The following GDE1 variants were observed in gnomAD, a reference collection of about 807,000 sequenced individuals.
GDE1 encodes RGS16-interacting membrane protein.
Under a neutral mutation model 32.2 loss-of-function variants are expected in GDE1, and 24 were observed. The observed-to-expected ratio is 0.75, with a 90% CI of 0.54 to 1.05. The LOEUF (loss-of-function observed/expected upper bound fraction) is 1.05. GDE1 is among the 50% of genes least tolerant of loss of function. The pLI, the probability that GDE1 is intolerant of heterozygous loss-of-function variation, is 0.00. For missense variants in GDE1, 380 were observed against 415.0 expected (o/e 0.92, Z 0.73); for synonymous variants, 159 against 158.6 (o/e 1.00, Z -0.02).
chr16:19,520,746 AGAAG>A (rs1226639851), intron 1 of GDE1, among the ~76,000 whole-genome samples: 4 of 151,618 alleles, frequency 2.6e-5, no homozygotes, highest in Admixed American at 6.6e-5. Context: ...AAAAAGAAGA[AGAAG>A]GAAGGAAGAA....
chr16:19,508,803 G>T (rs770426310), intron 3 of GDE1, among the ~76,000 whole-genome samples: 7 of 152,118 alleles, frequency 4.6e-5, no homozygotes, highest in Non-Finnish European at 1.0e-4. Context: ...CTCAGTCAAG[G>T]ACTGTTGGAG....
chr16:19,510,779 T>C (rs2074171), intron 3 of GDE1, 60 bp downstream of exon 3: 87,457 of 724,008 alleles, frequency 0.12, 9,035 homozygotes, highest in East Asian at 0.38. Flanking sequence ...ACTTCGGAAA[T>C]GACCGTCAAT....
In GDE1 at chr16:19,507,779, C is replaced by T; in HGVS notation, c.544G>A (p.Ala182Thr). ...FFDVKGHAHKATEALKKMYME... is the reference protein window; with the variant it reads ...FFDVKGHAHKTTEALKKMYME... Reference sequence around the variant, plus strand: ...TACATTTTCTTTAGAGCCTCAGTAGCCTGTAAAATAAAGAGATTCATATAT... The same window carrying T: ...TACATTTTCTTTAGAGCCTCAGTAGTCTGTAAAATAAAGAGATTCATATAT... The change falls in exon 4 of 6, where the codon GCT becomes ACT. Residue 182 changes from alanine (A) to threonine (T), a missense_variant and splice_region_variant. By Grantham distance (58) the Ala-to-Thr change is moderately conservative. Transcript: ENST00000353258. The T allele has an allele frequency of 2.2e-6, 3 of 1,374,112 alleles. No individual in the cohort carries two copies. Among genetic ancestry groups the T allele is most frequent in the Non-Finnish European group, 3.1e-6 (3 of 970,370 alleles). The allele number at this position is 1,374,112 out of a possible 1,614,324, so 85.1% of individuals were successfully genotyped here.
chr16:19,521,937 G>A lies in GDE1; in HGVS notation c.28C>T (p.Leu10Phe), dbSNP rs1969465284. The A allele has an allele frequency of 1.3e-6, 2 of 1,573,728 alleles. No homozygotes were observed. The highest frequency in any genetic ancestry group is 1.7e-6 in the Non-Finnish European group (2 of 1,159,630). Reference protein sequence around the residue: MWLWEDQGGLLGPFSFLLLV... With the variant: MWLWEDQGGFLGPFSFLLLV... The stretch of plus-strand genomic sequence containing the variant: ...AGCAGGAAGGAGAAAGGGCCCAGGA[G>A]GCCGCCCTGGTCCTCCCACAGCCAC... Residue 10 changes from leucine to phenylalanine, a missense_variant, in exon 1 of 6, where the codon CTC becomes TTC. Leu to Phe is a conservative substitution (Grantham distance 22). Transcript: ENST00000353258.
At chr16:19,515,670 C>G (rs1164173426) in intron 2 of GDE1, among the ~76,000 whole-genome samples, 4 of 152,164 alleles carry the variant, frequency 2.6e-5, no homozygotes, top group African/African-American at 9.7e-5. Flanking sequence ...TCATAATTCT[C>G]AAGTGTTACC....
chr16:19,505,643 C>T (rs1412810766), intron 4 of GDE1, among the ~76,000 whole-genome samples: 3 of 152,122 alleles, frequency 2.0e-5, no homozygotes, highest in African/African-American at 7.2e-5. Flanking sequence ...TTAGTCTCTG[C>T]TCTTGTGCTC....
chr16:19,510,965 C>T (rs887893666), intron 2 of GDE1, 21 bp from the exon 3 acceptor site: 18 of 1,224,170 alleles, frequency 1.5e-5, no homozygotes, highest in East Asian at 9.4e-5. Flanking sequence ...AGAGAAAATA[C>T]GTTGTAGGAA....
chr16:19,517,284 T>G (rs1365585927), intron 1 of GDE1, 95 bp from the exon 2 acceptor site: 3 of 906,712 alleles, frequency 3.3e-6, no homozygotes, highest in Non-Finnish European at 5.2e-6. Context: ...CTAAGACAGC[T>G]GTCCTTTTTG....
At position 19,503,406 on chromosome 16, in the gene GDE1, A is replaced by C; in HGVS notation, c.*64T>G. On this transcript the variant is annotated 3_prime_UTR_variant, in exon 6 of 6. Transcript: ENST00000353258. Reference sequence around the variant, plus strand: ...CAGGGCCTGGGCTAGCACAAAGGGTATTTTGATATCCCTGTATGAGGCCCC... The same window carrying C: ...CAGGGCCTGGGCTAGCACAAAGGGTCTTTTGATATCCCTGTATGAGGCCCC... 1 of 1,422,824 alleles carries C rather than the reference A, an allele frequency of 7.0e-7. No homozygotes were observed. Among genetic ancestry groups the C allele is most frequent in the Non-Finnish European group, 9.8e-7 (1 of 1,020,628 alleles). 88.1% of individuals were successfully genotyped at this position (1,422,824 alleles called of 1,614,324 possible). A position where few individuals can be genotyped will look rare whatever the true frequency, so the allele number is the denominator to read the frequency against.
Position 19,521,687 on chromosome 16 carries a change from G to C in GDE1, c.261+17C>G. 5.0e-6 allele frequency: 8 copies of C among 1,607,682 alleles called. No homozygotes were observed. The highest frequency in any genetic ancestry group is 5.9e-6 in the Non-Finnish European group (7 of 1,176,602). On this transcript the variant is annotated intron_variant, in intron 1 of 5. Coordinates refer to ENST00000353258, the MANE Select transcript of GDE1 (RefSeq NM_016641.4). ...AGCTCTCGGGAGGACCGAGGGGCGC[G>C]AACGTGGGGGTCTCACCTGCCGAAT...
chr16:19,507,095 C>T (rs558610312), intron 4 of GDE1, among the ~76,000 whole-genome samples: 1 of 152,022 alleles, frequency 6.6e-6, no homozygotes, highest in African/African-American at 2.4e-5. Flanking sequence ...GCTGTGATCA[C>T]ACCACTGCAC....
intron 2 of GDE1, among the ~76,000 whole-genome samples, chr16:19,513,118 G>A (rs1342067221): frequency 6.6e-6 from 1 of 151,998 alleles, no homozygotes; most frequent in Non-Finnish European, 1.5e-5. Context: ...TGAATTTTAG[G>A]ATTGTTGCTT....
intron 2 of GDE1, 57 bp from the exon 3 acceptor site, chr16:19,511,001 G>A: frequency 1.2e-6 from 1 of 825,324 alleles, no homozygotes; most frequent in Non-Finnish European, 2.0e-6. Flanking sequence ...AAACTGTATT[G>A]CAACAAACAT....
At chr16:19,505,428 G>T (rs571861635) in intron 4 of GDE1, among the ~76,000 whole-genome samples, 1 of 152,146 alleles carries the variant, frequency 6.6e-6, no homozygotes, top group Admixed American at 6.5e-5. Flanking sequence ...CCTGGCCAGA[G>T]ATAATTAATT....
At position 19,503,711 on chromosome 16, in the gene GDE1, A is replaced by G. The variant is rs140214466; in HGVS notation, c.849-94T>C. 9.6e-6 allele frequency: 10 copies of G among 1,039,004 alleles called. No individual in the cohort carries two copies. The Admixed American group carries it at 1.2e-4, about 12-fold the overall frequency. The allele number at this position is 1,039,004 out of a possible 1,614,324, so 64.4% of individuals were successfully genotyped here. A position where few individuals can be genotyped will look rare whatever the true frequency, so the allele number is the denominator to read the frequency against. ...TAAGTATGGTGTTCACTGCATACCA[A>G]TGGTGCCCAGAGAATGCCTCCTAAC... On this transcript the variant is annotated intron_variant, in intron 5 of 5. Transcript: ENST00000353258.
chr16:19,509,509 A>G (rs530935483), intron 3 of GDE1, among the ~76,000 whole-genome samples: 11 of 152,202 alleles, frequency 7.2e-5, no homozygotes, highest in Non-Finnish European at 1.3e-4. Flanking sequence ...AAATAGGTAC[A>G]GGTGATTCTA....
chr16:19,519,780 G>A (rs1488669732), intron 1 of GDE1, among the ~76,000 whole-genome samples: 1 of 152,162 alleles, frequency 6.6e-6, no homozygotes, highest in Non-Finnish European at 1.5e-5. Context: ...ACTGAGGCAG[G>A]TGGATCACTT....
At position 19,522,019 on chromosome 16, in the gene GDE1, C is replaced by G; in HGVS notation, c.-55G>C. ...TCCCGGACCCGCCGGGCTCCTGGGG[C>G]AGTAGAACGAGAAGCGAGGGGGAGG... On this transcript the variant is annotated 5_prime_UTR_variant, in exon 1 of 6. Transcript: ENST00000353258. The G allele has an allele frequency of 6.7e-7, 1 of 1,492,052 alleles. No homozygotes were observed. Among genetic ancestry groups the G allele is most frequent in the Non-Finnish European group, 8.9e-7 (1 of 1,118,860 alleles). 92.4% of individuals were successfully genotyped at this position (1,492,052 alleles called of 1,614,324 possible). A position where few individuals can be genotyped will look rare whatever the true frequency, so the allele number is the denominator to read the frequency against.
At chr16:19,514,107 GTTTTCC>G (rs60450255) in intron 2 of GDE1, among the ~76,000 whole-genome samples, 54,914 of 151,512 alleles carry the variant, frequency 0.36, 11,428 homozygotes, top group East Asian at 0.55. Context: ...GTTTTGATTT[GTTTTCC>G]TTTTCTGGTA....
Sources: allele counts gnomAD v4.1 joint callset (sites outside exome capture counted in the v4.1 genomes callset), GRCh38; gene constraint gnomAD v4.1.1; transcripts MANE v1.5; gene names NCBI Gene and HGNC (gene_info 2026-07-23, HGNC 2026-07-21).